Variants in CCDC171 observed in about 807,000 individuals in gnomAD.
The protein encoded by CCDC171 is coiled-coil domain containing 171, also known as coiled-coil domain-containing protein 171.
Under a neutral mutation model 168.2 loss-of-function variants are expected in CCDC171, and 177 were observed. The ratio of observed to expected loss-of-function variants is 1.05; its 90% CI spans 0.93 to 1.19. CCDC171 has a LOEUF of 1.19. Ranked by LOEUF, CCDC171 falls within the 50% of genes most tolerant of loss-of-function variation. CCDC171 has a pLI of 0.00. For synonymous variants in CCDC171, 687 were observed against 540.8 expected (o/e 1.27, Z -3.75); for missense variants, 1,991 against 1,539.0 (o/e 1.29, Z -4.91).
At chr9:15,895,087 A>G (rs1404224317) in intron 24 of CCDC171, among the ~76,000 whole-genome samples, 6 of 152,138 alleles carry the variant, frequency 3.9e-5, no homozygotes, top group South Asian at 2.1e-4. Flanking sequence ...ATTTCCAGCC[A>G]TGTCACTTTT....
At chr9:15,889,755 A>G (rs1388609141) in intron 24 of CCDC171, among the ~76,000 whole-genome samples, 1 of 152,148 alleles carries the variant, frequency 6.6e-6, no homozygotes, top group East Asian at 1.9e-4. Context: ...TTCTTACTCA[A>G]CATTCTAATG....
At chr9:15,984,477 T>A (rs1831919860) in intron 3 of CCDC171, among the ~76,000 whole-genome samples, 1 of 149,376 alleles carries the variant, frequency 6.7e-6, no homozygotes, top group South Asian at 2.1e-4. Context: ...TATATACATA[T>A]ATATGTCATA....
intron 6 of CCDC171, among the ~76,000 whole-genome samples, chr9:15,602,640 TTTTTTTC>T: frequency 4.9e-4 from 17 of 35,036 alleles, no homozygotes; most frequent in African/African-American, 1.5e-3. Context: ...TTCTTTTTTT[TTTTTTTC>T]TTTTTTTTTT....
At chr9:15,582,137 C>G (rs954821394) in intron 4 of CCDC171, among the ~76,000 whole-genome samples, 4 of 152,166 alleles carry the variant, frequency 2.6e-5, no homozygotes, top group African/African-American at 9.7e-5. Flanking sequence ...AGACACTTCT[C>G]AAAAGAAGAC....
chr9:15,591,283 T>C (rs2041989995), intron 4 of CCDC171, 83 bp from the exon 5 acceptor site: 1 of 764,068 alleles, frequency 1.3e-6, no homozygotes, highest in Non-Finnish European at 2.2e-6. Context: ...CTGTAAATGA[T>C]GTCAACTCCA....
At chr9:15,986,267 GC>G (rs1831984004) in intron 3 of CCDC171, among the ~76,000 whole-genome samples, 1 of 152,194 alleles carries the variant, frequency 6.6e-6, no homozygotes, top group Non-Finnish European at 1.5e-5. Context: ...ACCCTTCTCT[GC>G]GATGTGAATA....
At chr9:15,899,631 TTCTC>T (rs1821366749) in intron 24 of CCDC171, among the ~76,000 whole-genome samples, 1 of 152,214 alleles carries the variant, frequency 6.6e-6, no homozygotes, top group Non-Finnish European at 1.5e-5. Flanking sequence ...TATTTGTATA[TTCTC>T]TTTTGATAAA....
intron 1 of CCDC171, among the ~76,000 whole-genome samples, chr9:15,557,770 C>T (rs1261148820): frequency 2.0e-5 from 3 of 152,110 alleles, no homozygotes; most frequent in African/African-American, 7.2e-5. Flanking sequence ...AGTTCCAACA[C>T]TATGTTGAAT....
At chr9:15,930,176 T>A (rs905316823) in intron 25 of CCDC171, among the ~76,000 whole-genome samples, 1 of 151,720 alleles carries the variant, frequency 6.6e-6, no homozygotes, top group African/African-American at 2.4e-5. Context: ...TCATAATATT[T>A]GTTCAATCTA....
upstream of CCDC171, among the ~76,000 whole-genome samples, chr9:16,041,372 A>T (rs1351481029): frequency 6.6e-6 from 1 of 152,216 alleles, no homozygotes; most frequent in African/African-American, 2.4e-5. Flanking sequence ...GACAGCAAAT[A>T]ATCTGGTGTC....
chr9:15,623,271 A>G lies in CCDC171; in HGVS notation c.680A>G (p.Gln227Arg). The change falls in exon 7 of 26, where the codon CAA (glutamine) becomes CGA (arginine). Residue 227 changes from glutamine (Q) to arginine (R), a missense_variant. Physicochemically the swap from Gln to Arg is conservative, Grantham distance 43. Coordinates refer to ENST00000380701, the MANE Select transcript of CCDC171 (RefSeq NM_173550.4). ...RRELQFIVQE[Q>R]DTAVQNMHKK... ...CAAAAATGAATTATTTTCCAGGAGC[A>G]AGATACTGCTGTGCAAAATATGCAT... 6.4e-7 allele frequency: 1 copy of G among 1,558,818 alleles called. No individual in the cohort carries two copies. Among genetic ancestry groups the G allele is most frequent in the Non-Finnish European group, 8.7e-7 (1 of 1,148,830 alleles).
intron 3 of CCDC171, among the ~76,000 whole-genome samples, chr9:16,017,581 A>G (rs1012495423): frequency 6.6e-6 from 1 of 152,188 alleles, no homozygotes; most frequent in African/African-American, 2.4e-5. Flanking sequence ...TTACCTCATC[A>G]CTTACCAAAA....
At chr9:16,047,743 T>A (rs116647110) in intron 1 of CCDC171, among the ~76,000 whole-genome samples, 2,664 of 152,312 alleles carry the variant, frequency 0.017, 75 homozygotes, top group African/African-American at 0.06. Context: ...AACGTCTGCT[T>A]CCTCAATTGT....
chr9:15,560,972 G>A (rs1376659783), intron 1 of CCDC171, among the ~76,000 whole-genome samples: 1 of 152,122 alleles, frequency 6.6e-6, no homozygotes, highest in African/African-American at 2.4e-5. Flanking sequence ...CAGGTCTGTT[G>A]GAGTTTGCTG....
At chr9:16,047,238 C>G (rs1342807563) in intron 1 of CCDC171, among the ~76,000 whole-genome samples, 3 of 152,156 alleles carry the variant, frequency 2.0e-5, no homozygotes, top group Non-Finnish European at 4.4e-5. Context: ...CCAAACAGAA[C>G]CCAGTAATCT....
intron 11 of CCDC171, among the ~76,000 whole-genome samples, chr9:15,711,500 A>C (rs904878944): frequency 2.6e-5 from 4 of 152,140 alleles, no homozygotes; most frequent in African/African-American, 9.7e-5. Context: ...GAAATTGTAG[A>C]CTTTTTTTCC....
At chr9:15,618,062 C>T (rs2044224943) in intron 6 of CCDC171, among the ~76,000 whole-genome samples, 1 of 152,182 alleles carries the variant, frequency 6.6e-6, no homozygotes, top group Non-Finnish European at 1.5e-5. Context: ...TTGTCAGGAT[C>T]AGCCGCTGTC....
At chr9:15,924,256 G>A (rs1825655712) in intron 25 of CCDC171, among the ~76,000 whole-genome samples, 1 of 151,358 alleles carries the variant, frequency 6.6e-6, no homozygotes, top group Admixed American at 6.6e-5. Context: ...CCAGTTAATA[G>A]TGTGTGCCAT....
chr9:15,693,920 C>G (rs2051014229), intron 10 of CCDC171, among the ~76,000 whole-genome samples: 1 of 152,020 alleles, frequency 6.6e-6, no homozygotes, highest in Non-Finnish European at 1.5e-5. Flanking sequence ...TCATCTCTCA[C>G]TCAAGAAAAA....
Sources: allele counts gnomAD v4.1 joint callset (sites outside exome capture counted in the v4.1 genomes callset), GRCh38; gene constraint gnomAD v4.1.1; transcripts MANE v1.5; gene names NCBI Gene and HGNC (gene_info 2026-07-23, HGNC 2026-07-21).